LTBP2: variants seen among roughly 807,000 people sequenced by gnomAD.
LTBP2 encodes latent-transforming growth factor beta-binding protein 2.
LTBP2 carries 103 observed loss-of-function variants against 210.6 expected under a neutral mutation model. That is an observed-to-expected ratio of 0.49 (90% CI 0.42 to 0.58). The LOEUF (loss-of-function observed/expected upper bound fraction) is 0.58. Ranked by LOEUF, LTBP2 falls within the 20% of genes least tolerant of loss-of-function variation. LTBP2 has a pLI of 0.00. For synonymous variants in LTBP2, 1,007 were observed against 1,015.0 expected (o/e 0.99, Z 0.15); for missense variants, 2,313 against 2,494.5 (o/e 0.93, Z 1.55).
intron 2 of LTBP2, among the ~76,000 whole-genome samples, chr14:74,591,426 GTT>G (rs1322533423): frequency 6.6e-6 from 1 of 152,238 alleles, no homozygotes; most frequent in African/African-American, 2.4e-5. Flanking sequence ...AGCCAGACGT[GTT>G]GGTGGGAAAA....
At chr14:74,536,405 G>A (rs2087422169) in intron 8 of LTBP2, among the ~76,000 whole-genome samples, 1 of 152,224 alleles carries the variant, frequency 6.6e-6, no homozygotes, top group Non-Finnish European at 1.5e-5. Flanking sequence ...GTACGACATA[G>A]TGACTATGGT....
At position 74,505,324 on chromosome 14, in the gene LTBP2, C is replaced by A. The variant is rs1000315853; in HGVS notation, c.4178-150G>T. ...TGTATTACCTCACTGAGGCTCTCCA[C>A]AACCCTAAGAAGTGGCCTAATCATC... On this transcript the variant is annotated intron_variant, in intron 28 of 35. Transcript: ENST00000261978. 6 of 876,168 alleles carry A rather than the reference C, an allele frequency of 6.8e-6. No homozygotes were observed. The African/African-American group carries it at 1.0e-4, about 15-fold the overall frequency. 54.3% of individuals were successfully genotyped at this position (876,168 alleles called of 1,614,324 possible).
At chr14:74,598,288 G>A (rs1331242160) in intron 2 of LTBP2, among the ~76,000 whole-genome samples, 1 of 152,232 alleles carries the variant, frequency 6.6e-6, no homozygotes, top group African/African-American at 2.4e-5. Context: ...GTAGGACTGA[G>A]ATGGGGACTT....
chr14:74,605,478 G>A (rs778167338), intron 1 of LTBP2, among the ~76,000 whole-genome samples: 15 of 152,196 alleles, frequency 9.9e-5, no homozygotes, highest in Non-Finnish European at 1.8e-4. Context: ...AGGGCTGCTT[G>A]TCAGACCCAG....
rs1472115960 is a variant in LTBP2 at position 74,551,046 on chromosome 14, C to T, written c.1686+18G>A. 2 of 1,613,372 alleles carry T rather than the reference C, an allele frequency of 1.2e-6. No individual in the cohort carries two copies. The highest frequency in any genetic ancestry group is 1.1e-5 in the South Asian group (1 of 91,078). ...ATCCTGGAAGCATCCAGGGCTGAGGCCAGAGCTGTGTTCTCACCTGTCCGT... is the reference window on the plus strand; with the variant it reads ...ATCCTGGAAGCATCCAGGGCTGAGGTCAGAGCTGTGTTCTCACCTGTCCGT... On this transcript the variant is annotated intron_variant, in intron 7 of 35. Coordinates refer to ENST00000261978, the MANE Select transcript of LTBP2 (RefSeq NM_000428.3).
At chr14:74,535,830 T>TGGAGACCACTCGGCCAGTGAC in intron 9 of LTBP2, 96 bp downstream of exon 9, 3 of 1,094,902 alleles carry the variant, frequency 2.7e-6, no homozygotes, top group Non-Finnish European at 4.1e-6. Flanking sequence ...AGGGACTCAG[T>TGGAGACCACTCGGCCAGTGAC]GGAGACCACT....
chr14:74,596,651 A>G (rs926580515), intron 2 of LTBP2, among the ~76,000 whole-genome samples: 4 of 152,174 alleles, frequency 2.6e-5, no homozygotes, highest in African/African-American at 4.8e-5. Context: ...TGGCCCAGAG[A>G]GGCAGCAGGG....
intron 1 of LTBP2, among the ~76,000 whole-genome samples, chr14:74,605,458 G>A (rs2088511594): frequency 1.3e-5 from 2 of 152,190 alleles, no homozygotes; most frequent in South Asian, 4.1e-4. Flanking sequence ...ATGTCACGGG[G>A]GTCAGGGAAA....
At chr14:74,506,473 A>G (rs372153277) in intron 27 of LTBP2, among the ~76,000 whole-genome samples, 101 of 152,186 alleles carry the variant, frequency 6.6e-4, no homozygotes, top group African/African-American at 2.1e-3. Context: ...CTGAGGCTTG[A>G]GGACACCTGC....
At chr14:74,537,433 C>A (rs7155637) in intron 8 of LTBP2, among the ~76,000 whole-genome samples, 102,413 of 152,108 alleles carry the variant, frequency 0.67, 35,779 homozygotes, top group Non-Finnish European at 0.78. Flanking sequence ...TTATTCCATA[C>A]AAAGTTCCAT....
In LTBP2 at chr14:74,552,929, G is replaced by GAT; in HGVS notation, c.1154_1155insAT (p.Gly386SerfsTer21). On this transcript the variant is annotated frameshift_variant, in exon 5 of 36. Transcript: ENST00000261978. LOFTEE classifies it high-confidence loss of function. ...CAGACTTGGGATCGTGCCCATGGCC[G>GAT]CCCTGGCTGTACAGGGTGGTGGTGT... The GAT allele has an allele frequency of 6.2e-7, 1 of 1,613,724 alleles. No individual in the cohort carries two copies. Among genetic ancestry groups the GAT allele is most frequent in the Non-Finnish European group, 8.5e-7 (1 of 1,179,834 alleles).
At position 74,509,298 on chromosome 14, in the gene LTBP2, A is replaced by T; in HGVS notation, c.3343T>A (p.Phe1115Ile). The T allele has an allele frequency of 6.2e-7, 1 of 1,613,660 alleles. No homozygotes were observed. The highest frequency in any genetic ancestry group is 1.1e-5 in the South Asian group (1 of 91,084). Reference protein sequence around the residue: ...SGVCTNTAGSFSCKDCDGGYR... With the variant: ...SGVCTNTAGSISCKDCDGGYR... ...CCCCCATCGCAGTCCTTGCAGGAGA[A>T]GGAGCCAGCCGTGTTGGTGCAGACT... The change falls in exon 22 of 36, where the codon TTC becomes ATC. Residue 1115 changes from phenylalanine to isoleucine, a missense_variant. By Grantham distance (21) the Phe-to-Ile change is conservative. Coordinates refer to ENST00000261978, the MANE Select transcript of LTBP2 (RefSeq NM_000428.3).
At chr14:74,504,199 G>T in intron 30 of LTBP2, 145 bp from the exon 31 acceptor site, 1 of 929,112 alleles carries the variant, frequency 1.1e-6, no homozygotes, top group Non-Finnish European at 1.7e-6. Flanking sequence ...AGTTCGCCTT[G>T]CCTCCGGTTC....
Position 74,535,935 on chromosome 14 carries a change from G to T in LTBP2, c.1855C>A (p.His619Asn). The T allele has an allele frequency of 1.2e-6, 2 of 1,614,158 alleles. No homozygotes were observed. The highest frequency in any genetic ancestry group is 8.5e-7 in the Non-Finnish European group (1 of 1,179,994). ...PQGYKRLNLT[H>N]CQDINECLTL... is the part of the protein sequence containing the mutation. ...GCCCTGGGGGTCCTACCTTGGCAGT[G>T]AGTGAGGTTCAGTCTCTTGTACCCC... Residue 619 changes from histidine to asparagine, a missense_variant, in exon 9 of 36, where the codon CAC becomes AAC. This residue lies in a region of LTBP2 where 1,867 missense variants were observed against 1,976.9 expected (regional missense o/e 0.94). Coordinates refer to ENST00000261978, the MANE Select transcript of LTBP2 (RefSeq NM_000428.3).
Position 74,498,713 on chromosome 14 carries a change from G to T in LTBP2, c.*2171C>A, listed in dbSNP as rs932275887. On this transcript the variant is annotated 3_prime_UTR_variant, in exon 36 of 36. Transcript: ENST00000261978. ...GCCAGCAGGATATATTTGGGGGATG[G>T]TAAGTTCTCCGATGGTGAGGTATAA... is the stretch of plus-strand genomic sequence containing the variant. 1.3e-5 allele frequency: 3 copies of T among 232,342 alleles called. No homozygotes were observed. Among genetic ancestry groups the T allele is most frequent in the Admixed American group, 5.6e-5 (1 of 17,748 alleles). The allele number at this position is 232,342 out of a possible 1,614,324, so 14.4% of individuals were successfully genotyped here.
intron 11 of LTBP2, 121 bp downstream of exon 11, chr14:74,528,837 G>T: frequency 6.6e-7 from 1 of 1,517,320 alleles, no homozygotes; most frequent in East Asian, 2.4e-5. Context: ...ATAAGCACGT[G>T]AGCAGGCAGG....
At chr14:74,562,388 C>T (rs1406331216) in intron 3 of LTBP2, among the ~76,000 whole-genome samples, 1 of 152,158 alleles carries the variant, frequency 6.6e-6, no homozygotes, top group Non-Finnish European at 1.5e-5. Flanking sequence ...AGGTATCATG[C>T]TAAGTGTTTT....
At chr14:74,597,805 T>C (rs1283429441) in intron 2 of LTBP2, among the ~76,000 whole-genome samples, 1 of 152,172 alleles carries the variant, frequency 6.6e-6, no homozygotes, top group Admixed American at 6.5e-5. Flanking sequence ...CACCACTCCC[T>C]GCCAACTTCA....
chr14:74,601,990 G>C (rs2088454848), intron 2 of LTBP2, among the ~76,000 whole-genome samples: 1 of 152,182 alleles, frequency 6.6e-6, no homozygotes, highest in South Asian at 2.1e-4. Context: ...GGAGTTCCTG[G>C]GGAGCTGATG....
Sources: gnomAD v4.1 joint callset for allele counts (sites outside exome capture counted in the v4.1 genomes callset) on GRCh38, gnomAD v4.1.1 for gene constraint, gnomAD v4.1.1 regional missense constraint, MANE v1.5 for transcripts, NCBI Gene and HGNC (gene_info 2026-07-23, HGNC 2026-07-21) for gene names.